XKR4: variants seen among roughly 807,000 people sequenced by gnomAD.
XKR4 encodes the protein XK related 4.
A neutral mutation model predicts 53.9 loss-of-function variants in XKR4; 12 were observed. The ratio of observed to expected loss-of-function variants is 0.22; its 90% CI spans 0.14 to 0.36. XKR4 has a LOEUF of 0.36. XKR4 is among the 10% of genes least tolerant of loss of function. XKR4 has a pLI of 1.00. For missense variants in XKR4, 799 were observed against 859.5 expected (o/e 0.93, Z 0.88); for synonymous variants, 354 against 362.4 (o/e 0.98, Z 0.26).
intron 2 of XKR4, among the ~76,000 whole-genome samples, chr8:55,400,896 C>A (rs143201513): frequency 6.6e-6 from 1 of 152,310 alleles, no homozygotes; most frequent in Non-Finnish European, 1.5e-5. Flanking sequence ...GCCTTAGTAT[C>A]ATGAATGTGC....
At chr8:55,192,495 G>C (rs1817457083) in intron 1 of XKR4, among the ~76,000 whole-genome samples, 1 of 152,044 alleles carries the variant, frequency 6.6e-6, no homozygotes, top group Non-Finnish European at 1.5e-5. Context: ...AAAGCCTAAT[G>C]GCTTGAAAAG....
intron 2 of XKR4, chr8:55,451,629 G>A (rs1805448051): frequency 2.9e-5 from 44 of 1,543,002 alleles, no homozygotes; most frequent in Non-Finnish European, 3.6e-5. Flanking sequence ...GGTAGCAGTA[G>A]GACACGCGCT....
At chr8:55,204,130 T>C (rs6995686) in intron 1 of XKR4, among the ~76,000 whole-genome samples, 75,693 of 151,834 alleles carry the variant, frequency 0.5, 19,438 homozygotes, top group Middle Eastern at 0.74. Context: ...CCCACCGCAG[T>C]CTCTGGAGTA....
intron 1 of XKR4, among the ~76,000 whole-genome samples, chr8:55,289,646 A>AAAGAAAGAAAGAAAGAAAGG (rs1221597017): frequency 1.8e-4 from 16 of 87,018 alleles, no homozygotes; most frequent in African/African-American, 6.8e-4. Flanking sequence ...AGAAAGAAAG[A>AAAGAAAGAAAGAAAGAAAGG]AAGGAAGGAA....
chr8:55,196,432 C>G (rs1273263226), intron 1 of XKR4, among the ~76,000 whole-genome samples: 1 of 152,196 alleles, frequency 6.6e-6, no homozygotes, highest in African/African-American at 2.4e-5. Context: ...ATCTGCCCGC[C>G]TCAGCCTCCC....
At chr8:55,224,568 A>G (rs1273615814) in intron 1 of XKR4, among the ~76,000 whole-genome samples, 1 of 152,172 alleles carries the variant, frequency 6.6e-6, no homozygotes, top group African/African-American at 2.4e-5. Context: ...AACTTCCAAA[A>G]GTGTGCTGTA....
intron 1 of XKR4, among the ~76,000 whole-genome samples, chr8:55,213,856 C>CTTTTTTTTTTTT (rs11433893): frequency 6.1e-5 from 5 of 82,348 alleles, no homozygotes; most frequent in Non-Finnish European, 6.5e-5. Context: ...TTCTTTCTTT[C>CTTTTTTTTTTTT]TTTTTTTTTT....
chr8:55,376,181 AG>A (rs1285813483), intron 2 of XKR4, among the ~76,000 whole-genome samples: 4 of 152,198 alleles, frequency 2.6e-5, no homozygotes, highest in Admixed American at 2.0e-4. Flanking sequence ...ATAGTCCTGC[AG>A]TGAACATACA....
chr8:55,150,474 G>T (rs1202090185), intron 1 of XKR4, among the ~76,000 whole-genome samples: 1 of 152,152 alleles, frequency 6.6e-6, no homozygotes, highest in East Asian at 1.9e-4. Flanking sequence ...TTATAGTATG[G>T]TTCTTGTAAA....
At chr8:55,434,233 C>T (rs1259606611) in intron 2 of XKR4, among the ~76,000 whole-genome samples, 1 of 152,164 alleles carries the variant, frequency 6.6e-6, no homozygotes, top group Non-Finnish European at 1.5e-5. Flanking sequence ...TCTCTGTTCT[C>T]TAAAACTTGT....
At chr8:55,513,274 A>T (rs900966430) in intron 2 of XKR4, among the ~76,000 whole-genome samples, 1 of 152,232 alleles carries the variant, frequency 6.6e-6, no homozygotes, top group African/African-American at 2.4e-5. Flanking sequence ...TAGGCCAGTA[A>T]CTGTCAATAT....
At chr8:55,192,886 A>G (rs6994760) in intron 1 of XKR4, among the ~76,000 whole-genome samples, 14,453 of 152,062 alleles carry the variant, frequency 0.095, 1,806 homozygotes, top group African/African-American at 0.28. Flanking sequence ...GGGGCTTTCC[A>G]TCCCCGTGTG....
chr8:55,235,359 A>C (rs1028662229), intron 1 of XKR4, among the ~76,000 whole-genome samples: 1 of 152,216 alleles, frequency 6.6e-6, no homozygotes, highest in African/African-American at 2.4e-5. Flanking sequence ...GTGGACATGA[A>C]TTTTGAGAGG....
chr8:55,481,003 C>A (rs775773870), intron 2 of XKR4, among the ~76,000 whole-genome samples: 6 of 152,136 alleles, frequency 3.9e-5, no homozygotes, highest in Non-Finnish European at 7.3e-5. Context: ...AATGCCATCC[C>A]CATCAAGCTA....
At chr8:55,218,462 A>G (rs938036591) in intron 1 of XKR4, among the ~76,000 whole-genome samples, 19 of 152,356 alleles carry the variant, frequency 1.2e-4, no homozygotes, top group African/African-American at 4.3e-4. Context: ...TGTCTAATAT[A>G]CATTTGTCCT....
At chr8:55,155,268 A>G (rs1006729290) in intron 1 of XKR4, among the ~76,000 whole-genome samples, 1 of 152,218 alleles carries the variant, frequency 6.6e-6, no homozygotes, top group Admixed American at 6.5e-5. Flanking sequence ...CCTTTTCAGA[A>G]GAAAATGAAC....
At chr8:55,150,936 C>T (rs1816832424) in intron 1 of XKR4, among the ~76,000 whole-genome samples, 1 of 152,164 alleles carries the variant, frequency 6.6e-6, no homozygotes, top group South Asian at 2.1e-4. Context: ...AACATTTCTC[C>T]CTGCACCATT....
intron 2 of XKR4, among the ~76,000 whole-genome samples, chr8:55,447,037 T>TAAAAAAA: frequency 6.7e-6 from 1 of 148,460 alleles, no homozygotes; most frequent in Non-Finnish European, 1.5e-5. Context: ...GAAATGATGG[T>TAAAAAAA]ATAGCCTACC....
intron 2 of XKR4, among the ~76,000 whole-genome samples, chr8:55,415,781 T>C (rs564800920): frequency 4.0e-4 from 61 of 152,328 alleles, no homozygotes; most frequent in African/African-American, 1.2e-3. Flanking sequence ...GATCATTGTC[T>C]TGCGAGTTAA....
Sources: allele counts gnomAD v4.1 joint callset (sites outside exome capture counted in the v4.1 genomes callset), GRCh38; gene constraint gnomAD v4.1.1; transcripts MANE v1.5; gene names NCBI Gene and HGNC (gene_info 2026-07-23, HGNC 2026-07-21).